DCC: variants seen among roughly 807,000 people sequenced by gnomAD.
The protein encoded by DCC is netrin receptor DCC.
In DCC, 58 loss-of-function variants were observed where a neutral mutation model predicts 172.5. That is an observed-to-expected ratio of 0.34 (90% CI 0.27 to 0.42). The LOEUF is 0.42. DCC is among the 10% of genes least tolerant of loss of function. DCC has a pLI of 1.00. For synonymous variants in DCC, 709 were observed against 644.5 expected (o/e 1.10, Z -1.52); for missense variants, 1,740 against 1,791.0 (o/e 0.97, Z 0.51).
intron 1 of DCC, among the ~76,000 whole-genome samples, chr18:52,484,681 CCAAA>C (rs369125857): frequency 1.4e-3 from 216 of 151,960 alleles, no homozygotes; most frequent in Middle Eastern, 6.8e-3. Flanking sequence ...ATAGAAGTGC[CCAAA>C]CAGATTGCTA....
chr18:53,010,061 C>T (rs2041706130), intron 5 of DCC, among the ~76,000 whole-genome samples: 2 of 151,962 alleles, frequency 1.3e-5, no homozygotes, highest in South Asian at 4.1e-4. Context: ...CTCCTGTGAT[C>T]TTGCCTCATA....
intron 5 of DCC, among the ~76,000 whole-genome samples, chr18:53,046,381 T>C (rs1357137891): frequency 6.6e-6 from 1 of 151,854 alleles, no homozygotes; most frequent in Non-Finnish European, 1.5e-5. Flanking sequence ...GAAAATTTTA[T>C]CTATTCTTTC....
intron 1 of DCC, among the ~76,000 whole-genome samples, chr18:52,693,471 TATATA>T (rs537038300): frequency 1.6e-4 from 23 of 147,996 alleles, no homozygotes; most frequent in African/African-American, 3.2e-4. Context: ...TGTGTCTGTA[TATATA>T]ATATAATATA....
chr18:52,624,378 C>T (rs939699126), intron 1 of DCC, among the ~76,000 whole-genome samples: 1 of 152,094 alleles, frequency 6.6e-6, no homozygotes, highest in African/African-American at 2.4e-5. Flanking sequence ...AGACTCATTA[C>T]CTTCTAAGCT....
intron 1 of DCC, among the ~76,000 whole-genome samples, chr18:52,667,984 G>A (rs1318284893): frequency 6.6e-6 from 1 of 151,840 alleles, no homozygotes; most frequent in Admixed American, 6.6e-5. Flanking sequence ...TCATTGAGGG[G>A]CGTCTTTTTA....
chr18:52,905,085 C>A (rs914389918), intron 2 of DCC, among the ~76,000 whole-genome samples: 1 of 152,000 alleles, frequency 6.6e-6, no homozygotes, highest in African/African-American at 2.4e-5. Context: ...GGCAGAGAAG[C>A]CTTCTCTCTC....
intron 5 of DCC, among the ~76,000 whole-genome samples, chr18:53,030,753 T>C (rs1349545936): frequency 6.6e-6 from 1 of 152,152 alleles, no homozygotes; most frequent in Non-Finnish European, 1.5e-5. Context: ...AGCACAGTGT[T>C]AGTTGCATTC....
At chr18:52,387,398 C>T (rs16954829) in intron 1 of DCC, among the ~76,000 whole-genome samples, 4,492 of 152,160 alleles carry the variant, frequency 0.03, 126 homozygotes, top group African/African-American at 0.065. Context: ...CATTTCCCAG[C>T]TCTTCAGGGC....
intron 14 of DCC, among the ~76,000 whole-genome samples, chr18:53,338,339 C>T (rs556965878): frequency 5.3e-5 from 8 of 152,326 alleles, no homozygotes; most frequent in African/African-American, 1.9e-4. Context: ...CACGATGGCT[C>T]AAGCCTGTAA....
Position 52,387,951 on chromosome 18 carries a change from C to A in DCC, c.91+47073C>A, listed in dbSNP as rs571030915. Among the ~76,000 whole-genome samples the A allele has an allele frequency of 7.9e-4, 120 of 152,118 alleles. 1 individual carries two copies. The highest frequency in any genetic ancestry group is 2.7e-3 in the African/African-American group (113 of 41,464). ...CGCCACCACCAATCATGCTCCACTG[C>A]CCAGAGTTGACCCTTGACAACCCTG... On this transcript the variant is annotated intron_variant, in intron 1 of 28. Transcript: ENST00000442544.
chr18:52,586,967 C>T (rs867520527), intron 1 of DCC, among the ~76,000 whole-genome samples: 1 of 152,132 alleles, frequency 6.6e-6, no homozygotes, highest in South Asian at 2.1e-4. Flanking sequence ...AGAGGCAATG[C>T]TGTATGGAAT....
At chr18:53,281,327 T>G (rs2144728544) in intron 12 of DCC, among the ~76,000 whole-genome samples, 1 of 152,296 alleles carries the variant, frequency 6.6e-6, no homozygotes, top group Non-Finnish European at 1.5e-5. Context: ...TAACTAAATT[T>G]GATATGTCAT....
At chr18:52,642,691 TCTCA>T (rs1051990522) in intron 1 of DCC, among the ~76,000 whole-genome samples, 1 of 152,196 alleles carries the variant, frequency 6.6e-6, no homozygotes, top group Non-Finnish European at 1.5e-5. Flanking sequence ...AGAGATAAAG[TCTCA>T]CTCTGTTGCT....
chr18:52,833,790 A>G (rs1192424993), intron 2 of DCC, among the ~76,000 whole-genome samples: 1 of 152,164 alleles, frequency 6.6e-6, no homozygotes, highest in Non-Finnish European at 1.5e-5. Context: ...CCTCCCAAGT[A>G]ACTGGGACTA....
chr18:53,247,413 A>T (rs1053029393), intron 12 of DCC, among the ~76,000 whole-genome samples: 2 of 152,004 alleles, frequency 1.3e-5, no homozygotes. Context: ...GGAAAATTAT[A>T]TGTGCTTATA....
chr18:52,909,497 A>G (rs1329962323), intron 3 of DCC, among the ~76,000 whole-genome samples: 1 of 152,120 alleles, frequency 6.6e-6, no homozygotes, highest in East Asian at 1.9e-4. Flanking sequence ...GAAGTGTTTG[A>G]ATTTATGTGT....
chr18:53,474,575 C>T (rs35195355), intron 25 of DCC, among the ~76,000 whole-genome samples: 1 of 151,984 alleles, frequency 6.6e-6, no homozygotes, highest in African/African-American at 2.4e-5. Context: ...ATGGGAGTCT[C>T]CCTGCACAAG....
intron 24 of DCC, among the ~76,000 whole-genome samples, chr18:53,466,781 C>T (rs867371989): frequency 6.6e-6 from 1 of 152,140 alleles, no homozygotes; most frequent in African/African-American, 2.4e-5. Context: ...CCACTTTGGC[C>T]TCCCAAAGTG....
At chr18:52,767,578 G>A (rs188396158) in intron 2 of DCC, among the ~76,000 whole-genome samples, 8 of 152,122 alleles carry the variant, frequency 5.3e-5, no homozygotes, top group African/African-American at 1.4e-4. Flanking sequence ...CTCCTTTTAC[G>A]CTTGTTGGTT....
Sources: gnomAD v4.1 joint callset for allele counts (sites outside exome capture counted in the v4.1 genomes callset) on GRCh38, gnomAD v4.1.1 for gene constraint, MANE v1.5 for transcripts, NCBI Gene and HGNC (gene_info 2026-07-23, HGNC 2026-07-21) for gene names.